Variants in HTT observed in about 807,000 individuals in gnomAD.
HTT encodes the protein huntingtin.
A neutral mutation model predicts 362.3 loss-of-function variants in HTT; 104 were observed. The observed-to-expected ratio is 0.29, with a 90% CI of 0.24 to 0.34. The LOEUF is 0.34. Ranked by LOEUF, HTT falls within the 10% of genes least tolerant of loss-of-function variation. The pLI is 1.00. For missense variants in HTT, 3,301 were observed against 3,928.6 expected, an observed-to-expected ratio of 0.84 and a Z score of 4.27; for synonymous variants, 1,577 against 1,548.7, an observed-to-expected ratio of 1.02 and a Z score of -0.43.
chr4:3,138,065 GTTCCTTCCTTCCTTCC>G (rs57986232), intron 21 of HTT, among the ~76,000 whole-genome samples: 2 of 145,378 alleles, frequency 1.4e-5, no homozygotes, highest in African/African-American at 5.2e-5. Context: ...ACATACCATT[GTTCCTTCCTTCCTTCC>G]TTCCTTCCTT....
chr4:3,135,896 T>C lies in HTT; in HGVS notation c.2634-8T>C. On this transcript the variant is annotated splice_polypyrimidine_tract_variant and splice_region_variant and intron_variant, in intron 19 of 66. Transcript: ENST00000355072. Reference sequence around the variant, plus strand: ...ATGATTTCATTGTTAAATGTGCTCTTTTGTTAGGCTGGTGAGCTTTTTGGA... The same window carrying C: ...ATGATTTCATTGTTAAATGTGCTCTCTTGTTAGGCTGGTGAGCTTTTTGGA... The C allele has an allele frequency of 1.3e-6, 2 of 1,595,244 alleles. No homozygotes were observed. The highest frequency in any genetic ancestry group is 1.7e-6 in the Non-Finnish European group (2 of 1,173,316).
At chr4:3,116,753 C>G (rs1432179996) in intron 8 of HTT, among the ~76,000 whole-genome samples, 1 of 152,216 alleles carries the variant, frequency 6.6e-6, no homozygotes, top group Non-Finnish European at 1.5e-5. Flanking sequence ...GTCGGAACTT[C>G]TCTTTCCAAT....
At chr4:3,125,217 C>T (rs1715467241) in intron 10 of HTT, among the ~76,000 whole-genome samples, 1 of 151,834 alleles carries the variant, frequency 6.6e-6, no homozygotes, top group African/African-American at 2.4e-5. Context: ...ACAGTTATAA[C>T]TTACCATTTT....
Position 3,240,174 on chromosome 4 carries a change from G to A in HTT, c.*115G>A. On this transcript the variant is annotated 3_prime_UTR_variant, in exon 67 of 67. Coordinates refer to ENST00000355072, the MANE Select transcript of HTT (RefSeq NM_001388492.1). ...TTGGTCCCTATGGGCTTCCGCACAT[G>A]CCGCGGGCGGCCAGGCAACGTGCGT... 2.4e-6 allele frequency: 2 copies of A among 831,768 alleles called. No homozygotes were observed. The highest frequency in any genetic ancestry group is 1.7e-5 in the South Asian group (1 of 58,376). The allele number at this position is 831,768 out of a possible 1,614,324, so 51.5% of individuals were successfully genotyped here. A position where few individuals can be genotyped will look rare whatever the true frequency, so the allele number is the denominator to read the frequency against.
rs759427040 is a variant in HTT, at chr4:3,075,022, A to AGCCGCCCCCGCC, written c.213_224dup (p.Pro73_Pro76dup). ...GCACAGCCGCTGCTGCCTCAGCCGC[A>AGCCGCCCCCGCC]GCCGCCCCCGCCGCCGCCCCCGCCG... On this transcript the variant is annotated inframe_insertion, in exon 1 of 67. Transcript: ENST00000355072. The AGCCGCCCCCGCC allele has an allele frequency of 7.2e-6, 9 of 1,258,036 alleles. No homozygotes were observed. The highest frequency in any genetic ancestry group is 6.4e-5 in the African/African-American group (4 of 62,622). The allele number at this position is 1,258,036 out of a possible 1,614,324, so 77.9% of individuals were successfully genotyped here.
In HTT at chr4:3,230,106, C is replaced by G. The variant is rs913370835; in HGVS notation, c.8265+64C>G. The G allele has an allele frequency of 1.6e-5, 23 of 1,441,008 alleles. No individual in the cohort carries two copies. In the East Asian group the frequency reaches 4.5e-4, roughly 28 times the overall value. 89.3% of individuals were successfully genotyped at this position (1,441,008 alleles called of 1,614,324 possible). A position where few individuals can be genotyped will look rare whatever the true frequency, so the allele number is the denominator to read the frequency against. ...CACGGGGGCCCATCTGCCTTGGGACCTGGTGTTGGCCAGAGGTGCCGGGTG... is the reference window on the plus strand; with the variant it reads ...CACGGGGGCCCATCTGCCTTGGGACGTGGTGTTGGCCAGAGGTGCCGGGTG... On this transcript the variant is annotated intron_variant, in intron 60 of 66. Coordinates refer to ENST00000355072, the MANE Select transcript of HTT (RefSeq NM_001388492.1).
intron 2 of HTT, among the ~76,000 whole-genome samples, chr4:3,095,320 C>T (rs1009461443): frequency 6.6e-6 from 1 of 152,250 alleles, no homozygotes; most frequent in African/African-American, 2.4e-5. Context: ...CAGTCAGGAG[C>T]TGGAGACCAG....
intron 2 of HTT, among the ~76,000 whole-genome samples, chr4:3,088,721 G>T (rs1713345750): frequency 6.6e-6 from 1 of 151,498 alleles, no homozygotes; most frequent in African/African-American, 2.4e-5. Flanking sequence ...CATGTAAGTG[G>T]ATTCCTACAG....
Position 3,215,024 on chromosome 4 carries a change from T to A in HTT, c.6953-86T>A. 2.7e-6 allele frequency: 3 copies of A among 1,118,892 alleles called. No homozygotes were observed. In the South Asian group the frequency reaches 4.2e-5, roughly 16 times the overall value. 69.3% of individuals were successfully genotyped at this position (1,118,892 alleles called of 1,614,324 possible). On this transcript the variant is annotated intron_variant, in intron 50 of 66. Transcript: ENST00000355072. ...GTCTGTCTATCCCTTTCAACTTTTGTGAGGCTGCACAAATGTAAAATGTTG... is the reference window on the plus strand; with the variant it reads ...GTCTGTCTATCCCTTTCAACTTTTGAGAGGCTGCACAAATGTAAAATGTTG...
In HTT at chr4:3,212,631, C is replaced by T. The variant is rs376984622; in HGVS notation, c.6696C>T (p.Val2232=). The change falls in exon 49 of 67, where the codon GTC becomes GTT. Residue 2232 remains valine, a synonymous_variant. Transcript: ENST00000355072. ...ARALAQYLVV[V]SKLPSHLHLP... ...CCCTGGCACAGTACCTGGTGGTGGT[C>T]TCCAAACTGCCCAGTCATTTGCACC... 27 of 1,614,110 alleles carry T rather than the reference C, an allele frequency of 1.7e-5. No individual in the cohort carries two copies. In the African/African-American group the frequency reaches 3.2e-4, roughly 19 times the overall value.
At chr4:3,209,364 G>A (rs974543792) in intron 46 of HTT, among the ~76,000 whole-genome samples, 30 of 152,108 alleles carry the variant, frequency 2.0e-4, no homozygotes, top group Non-Finnish European at 3.7e-4. Context: ...TAGAGCCTTG[G>A]TACTCTACTT....
intron 1 of HTT, among the ~76,000 whole-genome samples, chr4:3,081,416 G>A (rs1192457394): frequency 6.6e-6 from 1 of 152,144 alleles, no homozygotes; most frequent in Non-Finnish European, 1.5e-5. Flanking sequence ...TCATGAGATA[G>A]TATTTGATTA....
rs1200240674 is a variant in HTT, at chr4:3,236,200, C to T, written c.8837C>T (p.Pro2946Leu). Residue 2946 changes from proline (P) to leucine (L), a missense_variant, in exon 64 of 67, where the codon CCC (proline) becomes CTC (leucine). Transcript: ENST00000355072. Reference sequence around the variant, plus strand: ...ACTTCAGACCCTAATCCTGCAGCCCCCGACAGCGAGTCAGTGATTGTTGCT... The same window carrying T: ...ACTTCAGACCCTAATCCTGCAGCCCTCGACAGCGAGTCAGTGATTGTTGCT... ...GRTSDPNPAA[P>L]DSESVIVAME... The T allele has an allele frequency of 6.2e-7, 1 of 1,614,222 alleles. No homozygotes were observed. The highest frequency in any genetic ancestry group is 1.1e-5 in the South Asian group (1 of 91,086).
chr4:3,112,984 C>T (rs1714840092), intron 6 of HTT: 1 of 933,216 alleles, frequency 1.1e-6, no homozygotes. Flanking sequence ...AATTTCCATT[C>T]CTTAAAGTAC....
intron 21 of HTT, among the ~76,000 whole-genome samples, chr4:3,138,367 T>G (rs1217733693): frequency 2.6e-5 from 4 of 152,140 alleles, no homozygotes; most frequent in Non-Finnish European, 5.9e-5. Flanking sequence ...GTACCCAATA[T>G]GTAGTTTTTT....
rs1715724619 is a variant in HTT, at chr4:3,129,984, G to T, written c.1804G>T (p.Asp602Tyr). The change falls in exon 13 of 67, where the codon GAT (aspartate) becomes TAT (tyrosine). Residue 602 changes from aspartate to tyrosine, a missense_variant. Asp to Tyr is a radical substitution (Grantham distance 160, BLOSUM62 -3). Around this residue, in one of 4 missense-constraint regions of HTT, gnomAD observed 2,316 missense variants for 2,658.5 expected, o/e 0.87. Transcript: ENST00000355072. ...GLQIGQPQDE[D>Y]EEATGILPDE... is the part of the protein sequence containing the mutation. ...GCAGATTGGACAGCCCCAGGATGAA[G>T]ATGAGGAAGCCACAGGTATTCTTCC... is the stretch of plus-strand genomic sequence containing the variant. The T allele has an allele frequency of 6.2e-7, 1 of 1,613,902 alleles. No homozygotes were observed. The highest frequency in any genetic ancestry group is 8.5e-7 in the Non-Finnish European group (1 of 1,179,964).
At chr4:3,087,588 G>A (rs528808575) in intron 2 of HTT, among the ~76,000 whole-genome samples, 3 of 152,098 alleles carry the variant, frequency 2.0e-5, no homozygotes, top group Non-Finnish European at 4.4e-5. Flanking sequence ...CTTTCTGACC[G>A]TTGTTCCTAG....
At chr4:3,118,218 G>T (rs774764187) in intron 8 of HTT, among the ~76,000 whole-genome samples, 16 of 152,134 alleles carry the variant, frequency 1.1e-4, no homozygotes, top group Non-Finnish European at 1.6e-4. Context: ...TCTGAGTCCA[G>T]TATTTCTTAT....
At chr4:3,223,958 A>G (rs746646393) in intron 55 of HTT, 34 bp from the exon 56 acceptor site, 57 of 1,611,946 alleles carry the variant, frequency 3.5e-5, no homozygotes, top group Non-Finnish European at 4.7e-5. Flanking sequence ...TTTGAAGGAA[A>G]CAAAACACTC....
Sources: allele counts gnomAD v4.1 joint callset (sites outside exome capture counted in the v4.1 genomes callset), GRCh38; gene constraint gnomAD v4.1.1; regional missense constraint gnomAD v4.1.1; transcripts MANE v1.5; gene names NCBI Gene and HGNC (gene_info 2026-07-23, HGNC 2026-07-21).